Variants in STRA6 observed in about 807,000 individuals in gnomAD.
STRA6 encodes the protein receptor for retinol uptake STRA6.
In STRA6, 48 loss-of-function variants were observed where a neutral mutation model predicts 83.6. The observed-to-expected ratio is 0.57, with a 90% CI of 0.46 to 0.73. STRA6 has a LOEUF of 0.73. STRA6 is among the 30% of genes least tolerant of loss of function. The probability of loss-of-function intolerance (pLI) is 0.00; values close to 1 mark genes in which losing one functional copy is unlikely to be tolerated. For synonymous variants in STRA6, 353 were observed against 362.3 expected (o/e 0.97, Z 0.29); for missense variants, 760 against 838.8 (o/e 0.91, Z 1.16).
chr15:74,210,915 A>G (rs1451768167), upstream of STRA6, among the ~76,000 whole-genome samples: 1 of 152,226 alleles, frequency 6.6e-6, no homozygotes, highest in Admixed American at 6.5e-5. Flanking sequence ...TCAGGCAGCC[A>G]TCTTGGACTA....
At chr15:74,209,322 A>G, upstream of STRA6, 3 of 1,494,606 alleles carry the variant, frequency 2.0e-6, 1 homozygote, top group South Asian at 3.6e-5. Context: ...GTTTCCCCAG[A>G]TGTGGCCTTA....
At chr15:74,211,889 ACT>A (rs570379955), upstream of STRA6, among the ~76,000 whole-genome samples, 117 of 142,674 alleles carry the variant, frequency 8.2e-4, 1 homozygote, top group African/African-American at 2.9e-3. Flanking sequence ...TCTCTGTCTA[ACT>A]CTGTGTTTTC....
intron 4 of STRA6, among the ~76,000 whole-genome samples, chr15:74,196,867 G>A (rs1201112044): frequency 1.3e-5 from 2 of 152,182 alleles, no homozygotes; most frequent in Admixed American, 6.5e-5. Context: ...TCAGGATCAT[G>A]CCTGTCCAGG....
chr15:74,193,945 A>G, intron 7 of STRA6, 23 bp from the exon 8 acceptor site: 1 of 1,611,596 alleles, frequency 6.2e-7, no homozygotes, highest in Non-Finnish European at 8.5e-7. Flanking sequence ...ACACCCAGAC[A>G]GACTACTTTC....
chr15:74,190,487 C>T (rs1322571598), intron 11 of STRA6, among the ~76,000 whole-genome samples: 1 of 151,486 alleles, frequency 6.6e-6, no homozygotes, highest in Non-Finnish European at 1.5e-5. Flanking sequence ...GCTAAATCTT[C>T]CCAATTACTC....
At chr15:74,183,772 C>T in intron 14 of STRA6, 84 bp downstream of exon 14, 1 of 1,608,906 alleles carries the variant, frequency 6.2e-7, no homozygotes, top group Non-Finnish European at 8.5e-7. Flanking sequence ...GCAGTACTTG[C>T]TGAGCACTCT....
At chr15:74,192,141 T>C (rs1394234870) in intron 8 of STRA6, 1 of 158,766 alleles carries the variant, frequency 6.3e-6, no homozygotes, top group African/African-American at 2.4e-5. Flanking sequence ...TTGATGGGGG[T>C]CCTTTGAGAC....
chr15:74,182,140 C>T lies in STRA6; in HGVS notation c.1520+21G>A, dbSNP rs752603274. 3.1e-6 allele frequency: 5 copies of T among 1,611,220 alleles called. No individual in the cohort carries two copies. In the Admixed American group the frequency reaches 5.0e-5, roughly 16 times the overall value. On this transcript the variant is annotated intron_variant, in intron 16 of 18. Transcript: ENST00000395105. ...AAGAGGCGAGGGCCTGAGGGAGCCA[C>T]AAGCCCAGATGCCACCTCACCGGTT...
At chr15:74,182,567 T>C in intron 14 of STRA6, 107 bp from the exon 15 acceptor site, 1 of 871,648 alleles carries the variant, frequency 1.1e-6, no homozygotes, top group East Asian at 2.7e-5. Flanking sequence ...GGCCTGGTTT[T>C]AGATCTCTGC....
chr15:74,208,731 A>G (rs2142117300), intron 1 of STRA6: 2 of 987,580 alleles, frequency 2.0e-6, no homozygotes, highest in Non-Finnish European at 1.2e-6. Flanking sequence ...CGCACACCCC[A>G]TGTGCCTTCT....
At chr15:74,211,872 CCTT>C (rs1323016147), upstream of STRA6, among the ~76,000 whole-genome samples, 1 of 152,092 alleles carries the variant, frequency 6.6e-6, no homozygotes, top group Non-Finnish European at 1.5e-5. Context: ...CTCTCCTCCT[CCTT>C]CTTTCTCTGT....
chr15:74,192,606 A>T (rs2073601901), intron 8 of STRA6, among the ~76,000 whole-genome samples: 1 of 152,150 alleles, frequency 6.6e-6, no homozygotes, highest in Non-Finnish European at 1.5e-5. Flanking sequence ...GCATCATCCC[A>T]GGAGCACCTG....
intron 14 of STRA6, chr15:74,183,336 C>T (rs2073083490): frequency 8.6e-6 from 2 of 232,026 alleles, no homozygotes; most frequent in Non-Finnish European, 1.6e-5. Flanking sequence ...ACCTCCACCT[C>T]CTGGGTTCAA....
rs751206161 is a variant in STRA6 at position 74,188,397 on chromosome 15, C to T, written c.1090+718G>A. On this transcript the variant is annotated intron_variant, in intron 12 of 18. Transcript: ENST00000395105. The surrounding 1 kb of genome is among the most constrained non-coding windows in gnomAD (Gnocchi z 4.5). ...CGCATGCCTCCTGAGTCCTCAGCAC[C>T]GGGCTTTGTCCCAAGGTGATGGAGA... Among the ~76,000 whole-genome samples, 13 of 152,238 alleles carry T rather than the reference C, an allele frequency of 8.5e-5. No homozygotes were observed. Among genetic ancestry groups the T allele is most frequent in the South Asian group, 2.1e-4 (1 of 4,834 alleles).
At chr15:74,202,017 CCAAGGT>C in intron 2 of STRA6, 132 bp downstream of exon 2, 1 of 1,090,600 alleles carries the variant, frequency 9.2e-7, no homozygotes, top group Non-Finnish European at 1.2e-6. Flanking sequence ...TGTGACTTGC[CCAAGGT>C]CACACAGCAA....
At chr15:74,211,559 C>G (rs1002592132), upstream of STRA6, among the ~76,000 whole-genome samples, 3 of 152,094 alleles carry the variant, frequency 2.0e-5, no homozygotes, top group Non-Finnish European at 4.4e-5. Flanking sequence ...CACCACCATG[C>G]CCGGCTGAAT....
rs947109228 is a variant in STRA6 at position 74,181,321 on chromosome 15, G to A, written c.1658C>T (p.Pro553Leu). ...GGGGTCGAGAGTGGCGGCTCTCGGT[G>A]GCAGCAGGCTGAGGTCCATCTGGCC... ...HLGQMDLSLL[P>L]PRAATLDPGY... Residue 553 changes from proline to leucine, a missense_variant, in exon 17 of 19, where the codon CCA (proline) becomes CTA (leucine). Coordinates refer to ENST00000395105, the MANE Select transcript of STRA6 (RefSeq NM_022369.4). 2.5e-6 allele frequency: 4 copies of A among 1,612,426 alleles called. No homozygotes were observed. The highest frequency in any genetic ancestry group is 1.7e-5 in the Admixed American group (1 of 59,940).
At chr15:74,181,202 C>G in intron 17 of STRA6, 93 bp downstream of exon 17, 1 of 1,556,090 alleles carries the variant, frequency 6.4e-7, no homozygotes. Flanking sequence ...TCGGTGTGAA[C>G]TGATCAGCTG....
intron 7 of STRA6, chr15:74,194,352 C>T: frequency 9.3e-7 from 1 of 1,071,186 alleles, no homozygotes; most frequent in African/African-American, 1.6e-5. Flanking sequence ...CTGAGGCCTT[C>T]CTGGGGGTGG....
Sources: gnomAD v4.1 joint callset for allele counts (sites outside exome capture counted in the v4.1 genomes callset) on GRCh38, gnomAD v4.1.1 for gene constraint, Gnocchi (gnomAD v3.1) non-coding constraint, MANE v1.5 for transcripts, NCBI Gene and HGNC (gene_info 2026-07-23, HGNC 2026-07-21) for gene names.